SPTA1: variants seen among roughly 807,000 people sequenced by gnomAD.
SPTA1 encodes spectrin alpha chain, erythrocytic 1.
In SPTA1, 177 loss-of-function variants were observed where a neutral mutation model predicts 324.7. That is an observed-to-expected ratio of 0.55 (90% confidence interval 0.48 to 0.62). SPTA1 has a LOEUF of 0.62. Ranked by LOEUF, SPTA1 falls within the 20% of genes least tolerant of loss-of-function variation. The probability of loss-of-function intolerance (pLI) is 0.00; values close to 1 mark genes in which losing one functional copy is unlikely to be tolerated. For synonymous variants in SPTA1, 1,195 were observed against 1,041.3 expected (o/e 1.15, Z -2.84); for missense variants, 3,162 against 2,883.6 (o/e 1.10, Z -2.21).
intron 2 of SPTA1, among the ~76,000 whole-genome samples, chr1:158,683,798 G>T (rs1287783130): frequency 6.6e-6 from 1 of 151,000 alleles, no homozygotes; most frequent in Non-Finnish European, 1.5e-5. Context: ...ATTTTTTTTT[G>T]GAAGTAGAGC....
At position 158,677,750 on chromosome 1, in the gene SPTA1, A is replaced by G; in HGVS notation, c.897T>C (p.Ser299=). ...CCTTGTGACTGTGAAACAGTCCTTC[A>G]GAGGCAACAAGGTCTTTGCCATAGT... ...SEDYGKDLVA[S]EGLFHSHKGL... is the part of the protein sequence containing the mutation. Residue 299 remains serine (S), a synonymous_variant, in exon 7 of 52, where the codon TCT becomes TCC. Transcript: ENST00000643759. The G allele has an allele frequency of 6.2e-7, 1 of 1,613,728 alleles. No individual in the cohort carries two copies. Among genetic ancestry groups the G allele is most frequent in the Non-Finnish European group, 8.5e-7 (1 of 1,179,740 alleles).
At chr1:158,679,950 C>T (rs1654678362) in intron 5 of SPTA1, among the ~76,000 whole-genome samples, 1 of 152,076 alleles carries the variant, frequency 6.6e-6, no homozygotes, top group Non-Finnish European at 1.5e-5. Context: ...ATCATTCTCA[C>T]TATAGAGCTG....
At chr1:158,633,710 G>A (rs941583478) in intron 39 of SPTA1, among the ~76,000 whole-genome samples, 2 of 149,444 alleles carry the variant, frequency 1.3e-5, no homozygotes, top group Non-Finnish European at 3.0e-5. Context: ...CTGTTGTAAA[G>A]AAAGGGAAGC....
In SPTA1 at chr1:158,669,759, T is replaced by G; in HGVS notation, c.1627A>C (p.Ile543Leu). ...TCTGAATCATAATGGTCATCACCAA[T>G]CAATTTGGTTGCAGTCTTGTCTACA... ...ITVDKTATKL[I>L]GDDHYDSENI... The change falls in exon 13 of 52, where the codon ATT (isoleucine) becomes CTT (leucine). Residue 543 changes from isoleucine (I) to leucine (L), a missense_variant. Coordinates refer to ENST00000643759, the MANE Select transcript of SPTA1 (RefSeq NM_003126.4). 6.2e-7 allele frequency: 1 copy of G among 1,614,090 alleles called. No homozygotes were observed. The highest frequency in any genetic ancestry group is 8.5e-7 in the Non-Finnish European group (1 of 1,179,966).
chr1:158,616,519 C>T (rs1649566677), intron 47 of SPTA1, among the ~76,000 whole-genome samples: 1 of 152,162 alleles, frequency 6.6e-6, no homozygotes, highest in Non-Finnish European at 1.5e-5. Context: ...TCTTACTGTG[C>T]TTGGCTTATT....
intron 33 of SPTA1, among the ~76,000 whole-genome samples, chr1:158,642,179 G>A (rs963718798): frequency 6.6e-6 from 1 of 151,996 alleles, no homozygotes; most frequent in South Asian, 2.1e-4. Context: ...GGAGGAGGGA[G>A]GGATAGCATT....
chr1:158,679,111 C>A (rs1654609792), intron 5 of SPTA1, among the ~76,000 whole-genome samples: 1 of 152,024 alleles, frequency 6.6e-6, no homozygotes, highest in African/African-American at 2.4e-5. Context: ...TATTTTCATA[C>A]TTTGCAATTT....
chr1:158,652,428 AAC>A (rs773921611), intron 23 of SPTA1, 37 bp downstream of exon 23: 1 of 1,610,150 alleles, frequency 6.2e-7, no homozygotes, highest in South Asian at 1.1e-5. Context: ...GATAAAAGCA[AAC>A]AATGGCAACC....
At chr1:158,677,325 C>T (rs1259919250) in intron 7 of SPTA1, among the ~76,000 whole-genome samples, 1 of 152,008 alleles carries the variant, frequency 6.6e-6, no homozygotes, top group Non-Finnish European at 1.5e-5. Context: ...TGCAACAGAA[C>T]AAAATGTGGT....
Position 158,645,382 on chromosome 1 carries a change from G to T in SPTA1, c.4000C>A (p.His1334Asn), listed in dbSNP as rs1557952046. 1.9e-6 allele frequency: 3 copies of T among 1,613,976 alleles called. No homozygotes were observed. Among genetic ancestry groups the T allele is most frequent in the Non-Finnish European group, 2.5e-6 (3 of 1,179,936 alleles). The change falls in exon 29 of 52, where the codon CAC becomes AAC. Residue 1334 changes from histidine to asparagine, a missense_variant. His to Asn is a moderately conservative substitution (Grantham distance 68). Coordinates refer to ENST00000643759, the MANE Select transcript of SPTA1 (RefSeq NM_003126.4). ...GCCTCTGCCTCCATGTCAGCACGGTGCTCCTGTGGGAAAAAGGGGGAAGAA... is the reference window on the plus strand; with the variant it reads ...GCCTCTGCCTCCATGTCAGCACGGTTCTCCTGTGGGAAAAAGGGGGAAGAA... Reference protein sequence around the residue: ...IEILLERHQEHRADMEAEAPT... With the variant: ...IEILLERHQENRADMEAEAPT...
intron 43 of SPTA1, among the ~76,000 whole-genome samples, chr1:158,621,356 T>C (rs1332807116): frequency 6.6e-6 from 1 of 152,126 alleles, no homozygotes; most frequent in Admixed American, 6.5e-5. Flanking sequence ...CTGGCCCAAA[T>C]GGAGGGAGGA....
intron 8 of SPTA1, 149 bp from the exon 9 acceptor site, chr1:158,674,824 T>G: frequency 8.8e-7 from 1 of 1,138,040 alleles, no homozygotes; most frequent in Non-Finnish European, 1.3e-6. Context: ...TTCCTGTTAT[T>G]TACAGTCAGA....
chr1:158,676,108 T>C (rs780068780), intron 8 of SPTA1, 33 bp downstream of exon 8: 2 of 1,612,682 alleles, frequency 1.2e-6, no homozygotes, highest in East Asian at 2.2e-5. Context: ...CCTGTAGAGA[T>C]AGGTAGAGCA....
In SPTA1 at chr1:158,637,981, G is replaced by A. The variant is rs1216145241; in HGVS notation, c.5189+52C>T. The A allele has an allele frequency of 3.2e-6, 5 of 1,582,912 alleles. No individual in the cohort carries two copies. In the Admixed American group the frequency reaches 6.7e-5, roughly 21 times the overall value. On this transcript the variant is annotated intron_variant, in intron 36 of 51. Transcript: ENST00000643759. The stretch of plus-strand genomic sequence containing the variant: ...AGCATAAATTGGAACAAGTTTGGTG[G>A]ATTATCTACTCGCTTGTATTATCCA...
chr1:158,615,383 CT>C lies in SPTA1; in HGVS notation c.6620del (p.Gln2207ArgfsTer3). ...EANKRKQKEI[Q>X]AMKRQLTKIV... ...TCTTGGTTAGTTGACGCTTCATCGC[CT>C]GGATCTCCTTCTGTTTTCTCTGGAA... On this transcript the variant is annotated frameshift_variant, in exon 48 of 52. Coordinates refer to ENST00000643759, the MANE Select transcript of SPTA1 (RefSeq NM_003126.4). LOFTEE classifies it high-confidence loss of function. 3 of 1,614,082 alleles carry C rather than the reference CT, an allele frequency of 1.9e-6. No individual in the cohort carries two copies. Among genetic ancestry groups the C allele is most frequent in the Non-Finnish European group, 2.5e-6 (3 of 1,180,008 alleles).
intron 35 of SPTA1, 132 bp from the exon 36 acceptor site, chr1:158,638,373 G>T: frequency 1.1e-6 from 1 of 901,056 alleles, no homozygotes; most frequent in Non-Finnish European, 1.8e-6. Flanking sequence ...GTTTGATTAT[G>T]TGTTATACAT....
At chr1:158,673,246 T>C (rs1654154532) in intron 10 of SPTA1, among the ~76,000 whole-genome samples, 1 of 152,104 alleles carries the variant, frequency 6.6e-6, no homozygotes, top group African/African-American at 2.4e-5. Flanking sequence ...TATTATAATG[T>C]TCCCACAGAG....
At position 158,641,116 on chromosome 1, in the gene SPTA1, C is replaced by A. The variant is rs1045770438; in HGVS notation, c.4738-1109G>T. On this transcript the variant is annotated intron_variant, in intron 33 of 51. Transcript: ENST00000643759. The stretch of plus-strand genomic sequence containing the variant: ...AAACTGGCTAGACATATGTAGAAAG[C>A]TGAAACTGGATCCTTTCCTTAAACC... Among the ~76,000 whole-genome samples the A allele has an allele frequency of 2.0e-5, 3 of 151,832 alleles. No individual in the cohort carries two copies. The East Asian group carries it at 5.8e-4, about 29-fold the overall frequency.
rs746827368 is a variant in SPTA1 at position 158,680,710 on chromosome 1, A to C, written c.551T>G (p.Val184Gly). The C allele has an allele frequency of 1.6e-4, 257 of 1,613,752 alleles. 1 individual carries two copies. The East Asian group carries it at 5.6e-3, about 35-fold the overall frequency. The change falls in exon 5 of 52, where the codon GTG becomes GGG. Residue 184 changes from valine (V) to glycine (G), a missense_variant. Physicochemically the swap from Val to Gly is moderately radical, Grantham distance 109 (BLOSUM62 -3). Transcript: ENST00000643759. Reference protein sequence around the residue: ...IGDKEAIATSVELGEDWERTE... With the variant: ...IGDKEAIATSGELGEDWERTE... ...GCGCTCCCAGTCTTCACCTAGCTCCACTGATGTCGCTATAGCCTCCTGTAG... is the reference window on the plus strand; with the variant it reads ...GCGCTCCCAGTCTTCACCTAGCTCCCCTGATGTCGCTATAGCCTCCTGTAG...
Sources: allele counts gnomAD v4.1 joint callset (sites outside exome capture counted in the v4.1 genomes callset), GRCh38; gene constraint gnomAD v4.1.1; transcripts MANE v1.5; gene names NCBI Gene and HGNC (gene_info 2026-07-23, HGNC 2026-07-21).